Variants in TRHR observed in about 807,000 individuals in gnomAD.
TRHR encodes the protein thyrotropin-releasing hormone receptor.
In TRHR, 14 loss-of-function variants were observed where a neutral mutation model predicts 28.0. That is an observed-to-expected ratio of 0.50 (90% CI 0.33 to 0.78). TRHR has a LOEUF of 0.78. TRHR is among the 30% of genes least tolerant of loss of function. The probability of loss-of-function intolerance (pLI) is 0.02; values close to 1 mark genes in which losing one functional copy is unlikely to be tolerated. For synonymous variants in TRHR, 176 were observed against 171.9 expected, an observed-to-expected ratio of 1.02 and a Z score of -0.18; for missense variants, 438 against 469.5, an observed-to-expected ratio of 0.93 and a Z score of 0.62.
In TRHR at chr8:109,098,932, C is replaced by T. The variant is rs997320092; in HGVS notation, c.789+10631C>T. ...TTTTTCAAATGCCCCTTTCTCTCAG[C>T]GGATTGTGCATCCCACAATGGCAGA... On this transcript the variant is annotated intron_variant, in intron 2 of 2. Transcript: ENST00000518632. Among the ~76,000 whole-genome samples the T allele has an allele frequency of 1.2e-4, 18 of 152,076 alleles. No individual in the cohort carries two copies. The East Asian group carries it at 1.3e-3, about 11-fold the overall frequency.
intron 2 of TRHR, among the ~76,000 whole-genome samples, chr8:109,106,905 T>A (rs1811759395): frequency 6.6e-6 from 1 of 152,130 alleles, no homozygotes; most frequent in Non-Finnish European, 1.5e-5. Context: ...GGAGGCATCA[T>A]TCTATGGAAT....
chr8:109,104,900 G>A (rs1420082161), intron 2 of TRHR, among the ~76,000 whole-genome samples: 1 of 151,994 alleles, frequency 6.6e-6, no homozygotes, highest in African/African-American at 2.4e-5. Context: ...TGGGAGGATC[G>A]CTTGAGCCCA....
intron 2 of TRHR, among the ~76,000 whole-genome samples, chr8:109,088,643 G>T (rs977805508): frequency 6.6e-6 from 1 of 152,168 alleles, no homozygotes; most frequent in African/African-American, 2.4e-5. Context: ...GCTTCTGTAG[G>T]AAATAATTCT....
At chr8:109,118,991 G>C (rs1400099596) in intron 2 of TRHR, 57 bp from the exon 3 acceptor site, 2 of 1,605,032 alleles carry the variant, frequency 1.2e-6, no homozygotes, top group Non-Finnish European at 1.7e-6. Context: ...AGAAGAAAGG[G>C]GGTTTTGTTT....
At chr8:109,101,161 C>T (rs1386294939) in intron 2 of TRHR, among the ~76,000 whole-genome samples, 2 of 152,068 alleles carry the variant, frequency 1.3e-5, no homozygotes, top group Admixed American at 6.6e-5. Flanking sequence ...AAGTCAAAGC[C>T]ATTAGGAGAG....
chr8:109,114,589 C>G (rs1183777888), intron 2 of TRHR, among the ~76,000 whole-genome samples: 9 of 152,184 alleles, frequency 5.9e-5, no homozygotes, highest in African/African-American at 1.4e-4. Flanking sequence ...TACTTCATTA[C>G]ATGGTCTGCA....
chr8:109,110,307 C>G (rs1423410749), intron 2 of TRHR, among the ~76,000 whole-genome samples: 4 of 152,122 alleles, frequency 2.6e-5, no homozygotes, highest in African/African-American at 9.7e-5. Context: ...ATTGCTTGAG[C>G]CTAGGAGTTC....
At chr8:109,089,751 A>G (rs1811494853) in intron 2 of TRHR, among the ~76,000 whole-genome samples, 1 of 152,220 alleles carries the variant, frequency 6.6e-6, no homozygotes, top group Admixed American at 6.5e-5. Context: ...CTTCCAAGAC[A>G]AACATTGACA....
chr8:109,095,671 T>C (rs1811578347), intron 2 of TRHR, among the ~76,000 whole-genome samples: 1 of 152,170 alleles, frequency 6.6e-6, no homozygotes. Flanking sequence ...ATACATACAA[T>C]TGCTTTTTGG....
intron 2 of TRHR, among the ~76,000 whole-genome samples, chr8:109,097,985 A>G (rs1342977356): frequency 6.6e-6 from 1 of 152,092 alleles, no homozygotes; most frequent in Non-Finnish European, 1.5e-5. Flanking sequence ...CTTTCCTCTG[A>G]AATTCCTCCC....
chr8:109,108,099 C>A (rs4130682), intron 2 of TRHR, among the ~76,000 whole-genome samples: 188 of 151,950 alleles, frequency 1.2e-3, no homozygotes, highest in African/African-American at 4.4e-3. Flanking sequence ...CTGTCTCCCT[C>A]GGGAGACACA....
chr8:109,095,979 G>A (rs975749229), intron 2 of TRHR, among the ~76,000 whole-genome samples: 5 of 152,002 alleles, frequency 3.3e-5, no homozygotes, highest in African/African-American at 1.2e-4. Context: ...CAGCCTCTCT[G>A]GCTCCCATGG....
At chr8:109,114,247 C>A (rs1325212654) in intron 2 of TRHR, among the ~76,000 whole-genome samples, 1 of 152,108 alleles carries the variant, frequency 6.6e-6, no homozygotes, top group African/African-American at 2.4e-5. Context: ...CTCATGTTCT[C>A]ACCTACCCTT....
At chr8:109,109,289 G>C (rs553216157) in intron 2 of TRHR, among the ~76,000 whole-genome samples, 1 of 152,086 alleles carries the variant, frequency 6.6e-6, no homozygotes, top group South Asian at 2.1e-4. Context: ...TAATAGTAAA[G>C]AGAAAAAGAT....
In TRHR at chr8:109,119,421, G is replaced by A; in HGVS notation, c.1163G>A (p.Cys388Tyr). 3 of 1,612,202 alleles carry A rather than the reference G, an allele frequency of 1.9e-6. No homozygotes were observed. The highest frequency in any genetic ancestry group is 1.1e-5 in the South Asian group (1 of 91,036). ...SATKVSFDDT[C>Y]LASEVSFSQS is the part of the protein sequence containing the mutation. ...ACAAAAGTGTCTTTTGATGACACCT[G>A]CTTGGCTTCTGAGGTATCCTTTAGC... The change falls in exon 3 of 3, where the codon TGC becomes TAC. Residue 388 changes from cysteine (C) to tyrosine (Y), a missense_variant. By Grantham distance (194) the Cys-to-Tyr change is radical. Transcript: ENST00000518632.
In TRHR at chr8:109,087,690, A is replaced by C; in HGVS notation, c.178A>C (p.Thr60Pro). ...GAGAACCAAGCACATGAGGACCCCC[A>C]CAAACTGCTACCTGGTGAGCCTGGC... ...VMRTKHMRTPTNCYLVSLAVA... is the reference protein window; with the variant it reads ...VMRTKHMRTPPNCYLVSLAVA... Residue 60 changes from threonine (T) to proline (P), a missense_variant, in exon 2 of 3, where the codon ACA (threonine) becomes CCA (proline). Transcript: ENST00000518632. 1 of 1,614,044 alleles carries C rather than the reference A, an allele frequency of 6.2e-7. No homozygotes were observed. Among genetic ancestry groups the C allele is most frequent in the African/African-American group, 1.3e-5 (1 of 74,990 alleles).
In TRHR at chr8:109,095,662, T is replaced by A. The variant is rs568140395; in HGVS notation, c.789+7361T>A. 1.8e-4 allele frequency among the ~76,000 whole-genome samples: 27 copies of A among 152,284 alleles called. 1 individual carries two copies. The South Asian group carries it at 5.6e-3, about 32-fold the overall frequency. On this transcript the variant is annotated intron_variant, in intron 2 of 2. Transcript: ENST00000518632. Reference sequence around the variant, plus strand: ...TTCAGAAAAGACATCTCCTGACCCATACATACAATTGCTTTTTGGACATCA... The same window carrying A: ...TTCAGAAAAGACATCTCCTGACCCAAACATACAATTGCTTTTTGGACATCA...
At chr8:109,099,734 AAC>A (rs1197565391) in intron 2 of TRHR, among the ~76,000 whole-genome samples, 1 of 152,224 alleles carries the variant, frequency 6.6e-6, no homozygotes, top group African/African-American at 2.4e-5. Context: ...CAAAAAAGAA[AAC>A]ACTGCAACCT....
At chr8:109,088,767 G>A (rs1811480367) in intron 2 of TRHR, among the ~76,000 whole-genome samples, 1 of 152,148 alleles carries the variant, frequency 6.6e-6, no homozygotes, top group African/African-American at 2.4e-5. Flanking sequence ...CCATTCTATG[G>A]TTACTCACAA....
Sources: gnomAD v4.1 joint callset for allele counts (sites outside exome capture counted in the v4.1 genomes callset) on GRCh38, gnomAD v4.1.1 for gene constraint, MANE v1.5 for transcripts, NCBI Gene and HGNC (gene_info 2026-07-23, HGNC 2026-07-21) for gene names.